PCDHA2: variants seen among roughly 807,000 people sequenced by gnomAD.
PCDHA2 encodes the protein protocadherin alpha-2.
In PCDHA2, 58 loss-of-function variants were observed where a neutral mutation model predicts 66.0. The observed-to-expected ratio is 0.88, with a 90% CI of 0.71 to 1.09. PCDHA2 has a LOEUF of 1.09. PCDHA2 is among the 50% of genes least tolerant of loss of function. The pLI is 0.00. For missense variants in PCDHA2, 1,267 were observed against 1,242.3 expected, an observed-to-expected ratio of 1.02 and a Z score of -0.30; for synonymous variants, 634 against 554.0, an observed-to-expected ratio of 1.14 and a Z score of -2.03.
At chr5:140,926,632 C>T in intron 1 of PCDHA2, 1 of 432,326 alleles carries the variant, frequency 2.3e-6, no homozygotes, top group Admixed American at 4.2e-5. Flanking sequence ...GCGCTGCGCT[C>T]CTCAACACCC....
At chr5:140,802,484 C>A in intron 1 of PCDHA2, 1 of 1,614,164 alleles carries the variant, frequency 6.2e-7, no homozygotes, top group South Asian at 1.1e-5. Flanking sequence ...CTGCTCGGGA[C>A]GGGGGCTCGC....
intron 1 of PCDHA2, among the ~76,000 whole-genome samples, chr5:140,950,043 A>G (rs1011500100): frequency 1.6e-4 from 25 of 151,950 alleles, no homozygotes; most frequent in Non-Finnish European, 3.4e-4. Context: ...TTACAACCAT[A>G]TAAGACTATT....
chr5:140,929,207 G>T (rs782298445), intron 1 of PCDHA2: 2 of 1,614,106 alleles, frequency 1.2e-6, no homozygotes, highest in Non-Finnish European at 1.7e-6. Flanking sequence ...TTGCTGTTGC[G>T]TGGGGAGTAC....
intron 1 of PCDHA2, chr5:140,823,662 G>C: frequency 1.9e-6 from 3 of 1,614,064 alleles, no homozygotes; most frequent in Non-Finnish European, 2.5e-6. Flanking sequence ...ACACAGGCGA[G>C]ATCAGCACAA....
At chr5:140,924,898 AAAAAAAAT>A (rs781900915) in intron 1 of PCDHA2, among the ~76,000 whole-genome samples, 16 of 53,028 alleles carry the variant, frequency 3.0e-4, no homozygotes, top group Non-Finnish European at 6.0e-4. Context: ...CTGTCTCAAA[AAAAAAAAT>A]AAAATAAAAT....
intron 1 of PCDHA2, chr5:140,829,178 G>C (rs2150163501): frequency 6.2e-7 from 1 of 1,614,150 alleles, no homozygotes; most frequent in South Asian, 1.1e-5. Context: ...ACGTGAAGAC[G>C]CTCAATTTGG....
intron 3 of PCDHA2, among the ~76,000 whole-genome samples, chr5:140,995,339 G>A (rs782776966): frequency 1.3e-4 from 20 of 152,026 alleles, no homozygotes; most frequent in Non-Finnish European, 7.4e-5. Context: ...TAGTGTAGAC[G>A]GCATGGATAG....
intron 1 of PCDHA2, among the ~76,000 whole-genome samples, chr5:140,931,320 G>A (rs1350182542): frequency 6.6e-6 from 1 of 151,992 alleles, no homozygotes; most frequent in Non-Finnish European, 1.5e-5. Context: ...TACCAGTAAT[G>A]GCTGTAAAGT....
chr5:140,852,889 T>G lies in PCDHA2; in HGVS notation c.2388+55537T>G. On this transcript the variant is annotated intron_variant, in intron 1 of 3. Transcript: ENST00000526136. ...TCATCAATAATCATAAAACGTATTT[T>G]TTTTTTTGAGTCAGAGTCTCGCTCT... is the stretch of plus-strand genomic sequence containing the variant. The G allele has an allele frequency of 2.2e-6, 2 of 920,480 alleles. 1 individual carries two copies. The highest frequency in any genetic ancestry group is 2.6e-6 in the Non-Finnish European group (2 of 757,628). The allele number at this position is 920,480 out of a possible 1,614,324, so 57.0% of individuals were successfully genotyped here.
At chr5:140,942,860 G>T (rs1262172468) in intron 1 of PCDHA2, among the ~76,000 whole-genome samples, 15 of 151,964 alleles carry the variant, frequency 9.9e-5, no homozygotes, top group Admixed American at 9.8e-4. Context: ...TGATTATTTT[G>T]CTTTAGCATG....
intron 1 of PCDHA2, among the ~76,000 whole-genome samples, chr5:140,940,086 A>C (rs373629874): frequency 6.6e-6 from 1 of 152,214 alleles, no homozygotes; most frequent in Non-Finnish European, 1.5e-5. Flanking sequence ...TTTCTGCTAA[A>C]TTGAAACTTT....
At chr5:140,882,987 CG>C in intron 1 of PCDHA2, 1 of 1,614,110 alleles carries the variant, frequency 6.2e-7, no homozygotes, top group South Asian at 1.1e-5. Flanking sequence ...GACAACGCCC[CG>C]GAATTTTACC....
chr5:140,809,392 C>A (rs782047510), intron 1 of PCDHA2: 1 of 1,614,100 alleles, frequency 6.2e-7, no homozygotes, highest in Admixed American at 1.7e-5. Flanking sequence ...GCGCTCCGGG[C>A]AAGCCCACGC....
chr5:140,822,086 A>G, intron 1 of PCDHA2: 2 of 1,614,198 alleles, frequency 1.2e-6, no homozygotes, highest in Non-Finnish European at 1.7e-6. Context: ...TGCAGCATCC[A>G]CCTGGAGGTG....
At chr5:140,966,645 C>A in intron 1 of PCDHA2, 1 of 1,125,650 alleles carries the variant, frequency 8.9e-7, no homozygotes, top group African/African-American at 1.7e-5. Context: ...CTTTCTAGAG[C>A]GTGAGCGGTG....
intron 1 of PCDHA2, chr5:140,867,873 G>A (rs1554161583): frequency 6.6e-6 from 1 of 152,056 alleles, no homozygotes; most frequent in East Asian, 1.9e-4. Flanking sequence ...AATTTTCTAT[G>A]TTTTAAGCAC....
intron 1 of PCDHA2, chr5:140,828,237 C>T (rs2150152822): frequency 1.8e-5 from 29 of 1,613,956 alleles, no homozygotes; most frequent in South Asian, 4.4e-5. Flanking sequence ...GGCCGGATCG[C>T]GCAGGACCTG....
chr5:140,877,014 C>A lies in PCDHA2; in HGVS notation c.2388+79662C>A, dbSNP rs559122507. On this transcript the variant is annotated intron_variant, in intron 1 of 3. Coordinates refer to ENST00000526136, the MANE Select transcript of PCDHA2 (RefSeq NM_018905.3). ...GCTACGTGTCGGTGCACGCGGAGAG[C>A]GGCAAGGTGTACGCGCTGCAGCCGC... is the stretch of plus-strand genomic sequence containing the variant. 5 of 1,612,440 alleles carry A rather than the reference C, an allele frequency of 3.1e-6. No homozygotes were observed. In the African/African-American group the frequency reaches 4.0e-5, roughly 13 times the overall value.
intron 1 of PCDHA2, chr5:140,927,653 G>A: frequency 6.2e-7 from 1 of 1,614,190 alleles, no homozygotes; most frequent in Non-Finnish European, 8.5e-7. Context: ...GTGTTATTCC[G>A]AGTTCAAGCC....
Sources: allele counts gnomAD v4.1 joint callset (sites outside exome capture counted in the v4.1 genomes callset), GRCh38; gene constraint gnomAD v4.1.1; transcripts MANE v1.5; gene names NCBI Gene and HGNC (gene_info 2026-07-23, HGNC 2026-07-21).